Variants in PRKCE observed in about 807,000 individuals in gnomAD.
PRKCE encodes the protein protein kinase C epsilon type.
In PRKCE, 16 loss-of-function variants were observed where a neutral mutation model predicts 85.4. That is an observed-to-expected ratio of 0.19 (90% CI 0.13 to 0.28). The LOEUF (loss-of-function observed/expected upper bound fraction) is 0.28. Among genes scored for constraint, PRKCE ranks in the 10% least tolerant of loss-of-function variants. PRKCE has a pLI of 1.00. For missense variants in PRKCE, 573 were observed against 975.2 expected, an observed-to-expected ratio of 0.59 and a Z score of 5.49; for synonymous variants, 388 against 371.5, an observed-to-expected ratio of 1.04 and a Z score of -0.51.
At chr2:45,965,823 A>T (rs1284004252) in intron 2 of PRKCE, among the ~76,000 whole-genome samples, 1 of 151,722 alleles carries the variant, frequency 6.6e-6, no homozygotes, top group Non-Finnish European at 1.5e-5. Flanking sequence ...AATACACACT[A>T]TCGACATGTT....
chr2:45,874,199 C>G lies in PRKCE; in HGVS notation c.412+31136C>G, dbSNP rs181850737. On this transcript the variant is annotated intron_variant, in intron 2 of 14. Transcript: ENST00000306156. ...CCCAAACTTCCATCTCTCACACACT[C>G]AATCAGAGGCCTATGTGGGAGTCCC... is the stretch of plus-strand genomic sequence containing the variant. 1.4e-3 allele frequency among the ~76,000 whole-genome samples: 214 copies of G among 152,360 alleles called. 3 individuals carry two copies. The highest frequency in any genetic ancestry group is 2.0e-3 in the Non-Finnish European group (134 of 68,030).
intron 1 of PRKCE, among the ~76,000 whole-genome samples, chr2:45,808,898 G>A (rs115043795): frequency 0.01 from 1,562 of 152,252 alleles, 32 homozygotes; most frequent in African/African-American, 0.036. Flanking sequence ...GGCATGAACA[G>A]AGCTATAGTT....
intron 11 of PRKCE, among the ~76,000 whole-genome samples, chr2:46,098,520 T>C (rs1670919624): frequency 6.6e-6 from 1 of 152,236 alleles, no homozygotes; most frequent in African/African-American, 2.4e-5. Flanking sequence ...GATGAATGTA[T>C]CCTGCTAGTT....
rs397781944 is a variant in PRKCE at position 45,941,065 on chromosome 2, TAAAAAAAAAA to T, written c.413-35351_413-35342del. ...TGGGTGACAGAGTGAGACTTCATCC[TAAAAAAAAAA>T]AAAAAAAAAAAAGATGATAGGCACC... On this transcript the variant is annotated intron_variant, in intron 2 of 14. Coordinates refer to ENST00000306156, the MANE Select transcript of PRKCE (RefSeq NM_005400.3). Among the ~76,000 whole-genome samples, 11 of 67,162 alleles carry T rather than the reference TAAAAAAAAAA, an allele frequency of 1.6e-4. 1 individual carries two copies. The East Asian group carries it at 0.013, about 76-fold the overall frequency. The allele number at this position is 67,162 out of a possible 152,430, so 44.1% of individuals were successfully genotyped here.
At chr2:46,163,555 A>C (rs866312510) in intron 14 of PRKCE, among the ~76,000 whole-genome samples, 1 of 55,916 alleles carries the variant, frequency 1.8e-5, no homozygotes. Context: ...AGAGGCCACT[A>C]AGAGACACAG....
At chr2:46,173,924 A>T (rs1016459760) in intron 14 of PRKCE, among the ~76,000 whole-genome samples, 2 of 151,872 alleles carry the variant, frequency 1.3e-5, no homozygotes, top group South Asian at 2.1e-4. Context: ...TTGTAAACAA[A>T]TTTTTTTTTA....
At chr2:46,011,398 T>C (rs1705661238) in intron 10 of PRKCE, among the ~76,000 whole-genome samples, 1 of 152,228 alleles carries the variant, frequency 6.6e-6, no homozygotes, top group African/African-American at 2.4e-5. Context: ...AATTCAATAG[T>C]TATTCATTGA....
chr2:45,745,931 C>T (rs566229659), intron 1 of PRKCE, among the ~76,000 whole-genome samples: 3 of 152,324 alleles, frequency 2.0e-5, no homozygotes, highest in Non-Finnish European at 2.9e-5. Flanking sequence ...TTATAGATGT[C>T]GTCACAAGCC....
chr2:45,680,127 C>T (rs573061881), intron 1 of PRKCE, among the ~76,000 whole-genome samples: 3 of 152,202 alleles, frequency 2.0e-5, no homozygotes, highest in Admixed American at 2.0e-4. Context: ...ATTCACAGAC[C>T]AGGGCTAGCT....
intron 1 of PRKCE, among the ~76,000 whole-genome samples, chr2:45,689,482 T>C (rs1026749818): frequency 1.3e-5 from 2 of 151,902 alleles, no homozygotes; most frequent in East Asian, 3.8e-4. Context: ...TTGTTAAAAA[T>C]TGATAATGTA....
intron 1 of PRKCE, among the ~76,000 whole-genome samples, chr2:45,736,444 G>A (rs1015592049): frequency 6.6e-6 from 1 of 152,146 alleles, no homozygotes; most frequent in East Asian, 1.9e-4. Context: ...CTTCACTACT[G>A]TTGTGTGCCA....
At chr2:45,660,289 T>A (rs1356278359) in intron 1 of PRKCE, among the ~76,000 whole-genome samples, 1 of 152,236 alleles carries the variant, frequency 6.6e-6, no homozygotes, top group Non-Finnish European at 1.5e-5. Flanking sequence ...AAAGGATATT[T>A]TATTTTATAA....
chr2:45,882,600 T>C (rs1377977456), intron 2 of PRKCE, among the ~76,000 whole-genome samples: 4 of 152,272 alleles, frequency 2.6e-5, no homozygotes, highest in African/African-American at 7.2e-5. Context: ...TAGATGCTTT[T>C]CTTTATGGTG....
intron 2 of PRKCE, among the ~76,000 whole-genome samples, chr2:45,955,879 A>G (rs1054959428): frequency 3.3e-5 from 5 of 152,212 alleles, no homozygotes; most frequent in African/African-American, 1.2e-4. Flanking sequence ...AATTACATAC[A>G]GTCGTATAAC....
chr2:45,978,918 T>G, intron 3 of PRKCE, 58 bp from the exon 4 acceptor site: 1 of 1,550,548 alleles, frequency 6.4e-7, no homozygotes, highest in Non-Finnish European at 8.8e-7. Context: ...TTTTTCTGTT[T>G]GTTTTTTGAC....
At chr2:45,792,951 A>G (rs1026277977) in intron 1 of PRKCE, among the ~76,000 whole-genome samples, 40 of 152,104 alleles carry the variant, frequency 2.6e-4, no homozygotes, top group South Asian at 8.3e-4. Flanking sequence ...GGCACCCGCC[A>G]CCACTTCTGG....
chr2:45,958,812 ATATATTTTTTTTTTTTTTTTTTT>A lies in PRKCE; in HGVS notation c.413-17615_413-17593del, dbSNP rs1227856871. Among the ~76,000 whole-genome samples the A allele has an allele frequency of 2.5e-3, 68 of 26,796 alleles. 3 individuals carry two copies. In the East Asian group the frequency reaches 0.035, roughly 14 times the overall value. 17.6% of individuals were successfully genotyped at this position (26,796 alleles called of 152,430 possible). ...AAAACATATATATATATATATATAT[ATATATTTTTTTTTTTTTTTTTTT>A]TTTTTTTTTTTTTTTTTTTTAATAG... On this transcript the variant is annotated intron_variant, in intron 2 of 14. Coordinates refer to ENST00000306156, the MANE Select transcript of PRKCE (RefSeq NM_005400.3).
chr2:46,124,097 G>A (rs573022158), intron 11 of PRKCE, among the ~76,000 whole-genome samples: 3 of 151,922 alleles, frequency 2.0e-5, no homozygotes, highest in African/African-American at 7.2e-5. Flanking sequence ...GGCCAAGGTG[G>A]GCGGATCACT....
chr2:45,672,915 G>A (rs1676244771), intron 1 of PRKCE, among the ~76,000 whole-genome samples: 1 of 152,070 alleles, frequency 6.6e-6, no homozygotes, highest in Non-Finnish European at 1.5e-5. Context: ...AGTCTCAGCT[G>A]CTCCAGGAGG....
Sources: allele counts gnomAD v4.1 joint callset (sites outside exome capture counted in the v4.1 genomes callset), GRCh38; gene constraint gnomAD v4.1.1; transcripts MANE v1.5; gene names NCBI Gene and HGNC (gene_info 2026-07-23, HGNC 2026-07-21).